The following GNB5 variants were observed in gnomAD, a reference collection of about 807,000 sequenced individuals.
GNB5 encodes guanine nucleotide-binding protein subunit beta-5.
GNB5 carries 37 observed loss-of-function variants against 55.3 expected under a neutral mutation model. The ratio of observed to expected loss-of-function variants is 0.67; its 90% CI spans 0.51 to 0.88. The LOEUF (loss-of-function observed/expected upper bound fraction) is 0.88. GNB5 is among the 40% of genes least tolerant of loss of function. The pLI is 0.00. For synonymous variants in GNB5, 219 were observed against 198.5 expected, an observed-to-expected ratio of 1.10 and a Z score of -0.87; for missense variants, 476 against 515.3, an observed-to-expected ratio of 0.92 and a Z score of 0.74.
intron 1 of GNB5, 23 bp from the exon 2 acceptor site, chr15:52,184,717 GA>G (rs1280348627): frequency 6.3e-7 from 1 of 1,596,018 alleles, no homozygotes. Flanking sequence ...GAAAAGAAGG[GA>G]GGGGGTGTGA....
chr15:52,191,126 G>A lies in GNB5; in HGVS notation c.-19+196C>T, dbSNP rs564369973. ...TGAAATATTTCAATTTGAAATATTT[G>A]AAATTTACTATTTCAAAATAAATTC... On this transcript the variant is annotated intron_variant, in intron 1 of 12. Coordinates refer to ENST00000261837, the MANE Select transcript of GNB5 (RefSeq NM_016194.4). 5.9e-5 allele frequency among the ~76,000 whole-genome samples: 9 copies of A among 152,118 alleles called. No individual in the cohort carries two copies. The East Asian group carries it at 1.7e-3, about 29-fold the overall frequency.
At chr15:52,189,264 G>A (rs574129594) in intron 1 of GNB5, among the ~76,000 whole-genome samples, 5 of 152,110 alleles carry the variant, frequency 3.3e-5, no homozygotes, top group South Asian at 2.1e-4. Context: ...ATAAGACCCC[G>A]CAATCCTACT....
chr15:52,124,741 C>T, intron 11 of GNB5, 102 bp from the exon 12 acceptor site: 1 of 984,464 alleles, frequency 1.0e-6, no homozygotes, highest in Non-Finnish European at 1.6e-6. Context: ...GATTCAGGCG[C>T]ACTGAGTCCT....
At chr15:52,182,058 C>T (rs916988459) in intron 2 of GNB5, among the ~76,000 whole-genome samples, 1 of 152,188 alleles carries the variant, frequency 6.6e-6, no homozygotes, top group Admixed American at 6.5e-5. Context: ...GGGGCAAATC[C>T]TGGCTCTGCT....
Position 52,184,114 on chromosome 15 carries a change from T to C in GNB5, c.126+437A>G, listed in dbSNP as rs577064004. ...CAGCTTCTCTTTTAGCTTGATTGCC[T>C]GCCAAGCAGACTTGTAGAAGTCAGA... On this transcript the variant is annotated intron_variant, in intron 2 of 12. Transcript: ENST00000261837. 2.0e-5 allele frequency among the ~76,000 whole-genome samples: 3 copies of C among 152,346 alleles called. No individual in the cohort carries two copies. In the East Asian group the frequency reaches 5.8e-4, roughly 29 times the overall value.
At position 52,170,789 on chromosome 15, in the gene GNB5, C is replaced by G. The variant is rs116746688; in HGVS notation, c.238+8979G>C. Among the ~76,000 whole-genome samples, 1,037 of 151,444 alleles carry G rather than the reference C, an allele frequency of 6.8e-3. 11 individuals carry two copies. Among genetic ancestry groups the G allele is most frequent in the African/African-American group, 0.024 (1,005 of 41,354 alleles). ...TCACATTTATCTCACTTGTATTTGT[C>G]AGAGATTTGTGAATTGCCTTAAAAA... On this transcript the variant is annotated intron_variant, in intron 3 of 12. Coordinates refer to ENST00000261837, the MANE Select transcript of GNB5 (RefSeq NM_016194.4).
chr15:52,173,753 T>G (rs1040040058), intron 3 of GNB5, among the ~76,000 whole-genome samples: 1 of 152,102 alleles, frequency 6.6e-6, no homozygotes, highest in Non-Finnish European at 1.5e-5. Flanking sequence ...CTACAAAATC[T>G]TAGGGAAATC....
intron 4 of GNB5, among the ~76,000 whole-genome samples, chr15:52,153,488 TA>T (rs921563824): frequency 6.6e-6 from 1 of 152,172 alleles, no homozygotes; most frequent in Non-Finnish European, 1.5e-5. Flanking sequence ...AGATAACTAA[TA>T]AATAATATAT....
Position 52,116,887 on chromosome 15 carries a change from CTCA to C in GNB5, c.*5867_*5869del, listed in dbSNP as rs999287173. On this transcript the variant is annotated 3_prime_UTR_variant, in exon 13 of 13. Transcript: ENST00000261837. The stretch of plus-strand genomic sequence containing the variant: ...ATTTCAAAACCATTATGTAATCCTC[CTCA>C]TTTTTTCCTTTAAAAACCTTTGTTT... 2 of 151,454 alleles carry C rather than the reference CTCA, an allele frequency of 1.3e-5. No homozygotes were observed. Among genetic ancestry groups the C allele is most frequent in the Non-Finnish European group, 2.9e-5 (2 of 67,908 alleles). 9.4% of individuals were successfully genotyped at this position (151,454 alleles called of 1,614,324 possible).
At chr15:52,191,099 ATTGAAATATTTCAAT>A (rs1566953890) in intron 1 of GNB5, among the ~76,000 whole-genome samples, 3 of 152,226 alleles carry the variant, frequency 2.0e-5, no homozygotes, top group African/African-American at 7.2e-5. Context: ...TGTAAAAAAT[ATTGAAATATTTCAAT>A]TTGAAATATT....
intron 6 of GNB5, 105 bp from the exon 7 acceptor site, chr15:52,141,377 C>G (rs936273984): frequency 2.2e-6 from 2 of 896,378 alleles, no homozygotes; most frequent in Middle Eastern, 2.2e-4. Flanking sequence ...TTAGCAGTAT[C>G]ATATATTGTA....
At chr15:52,180,086 C>G (rs2034742127) in intron 2 of GNB5, 1 of 446,796 alleles carries the variant, frequency 2.2e-6, no homozygotes, top group South Asian at 9.9e-5. Flanking sequence ...GTGCCTGGTG[C>G]GATGTCCGCG....
intron 3 of GNB5, among the ~76,000 whole-genome samples, chr15:52,165,975 A>G (rs2034443477): frequency 6.6e-6 from 1 of 152,176 alleles, no homozygotes; most frequent in South Asian, 2.1e-4. Flanking sequence ...CACATAGGCT[A>G]AAAATAAAGG....
At chr15:52,168,587 T>A (rs1048008129) in intron 3 of GNB5, among the ~76,000 whole-genome samples, 2 of 152,184 alleles carry the variant, frequency 1.3e-5, no homozygotes, top group Admixed American at 6.5e-5. Context: ...AAACTACCAT[T>A]GACATTCTTC....
In GNB5 at chr15:52,160,656, G is replaced by C. The variant is rs899016709; in HGVS notation, c.239-6580C>G. ...ATATGGTCACTTACAATTCTGCTTAGCCTGACCATTCTTATCATTTGGTGT... is the reference window on the plus strand; with the variant it reads ...ATATGGTCACTTACAATTCTGCTTACCCTGACCATTCTTATCATTTGGTGT... On this transcript the variant is annotated intron_variant, in intron 3 of 12. Coordinates refer to ENST00000261837, the MANE Select transcript of GNB5 (RefSeq NM_016194.4). 3.2e-4 allele frequency among the ~76,000 whole-genome samples: 49 copies of C among 152,130 alleles called. 1 individual carries two copies. The highest frequency in any genetic ancestry group is 7.2e-5 in the African/African-American group (3 of 41,406).
At position 52,116,233 on chromosome 15, in the gene GNB5, C is replaced by T. The variant is rs186824782; in HGVS notation, c.*6524G>A. ...AACAGTGACCTCTGCTTCATGGTTC[C>T]TGGTTTCTGACAAAGTTAATCTTTC... On this transcript the variant is annotated 3_prime_UTR_variant, in exon 13 of 13. Coordinates refer to ENST00000261837, the MANE Select transcript of GNB5 (RefSeq NM_016194.4). 7.9e-5 allele frequency: 12 copies of T among 152,332 alleles called. No homozygotes were observed. The highest frequency in any genetic ancestry group is 5.9e-4 in the Admixed American group (9 of 15,306). 9.4% of individuals were successfully genotyped at this position (152,332 alleles called of 1,614,324 possible). A position where few individuals can be genotyped will look rare whatever the true frequency, so the allele number is the denominator to read the frequency against.
chr15:52,124,427 C>T, intron 12 of GNB5, 46 bp downstream of exon 12: 1 of 1,498,930 alleles, frequency 6.7e-7, no homozygotes, highest in Non-Finnish European at 9.2e-7. Flanking sequence ...TGTCACCAGT[C>T]CTCTCTCCTC....
At chr15:52,170,557 T>C (rs982414726) in intron 3 of GNB5, among the ~76,000 whole-genome samples, 10 of 152,088 alleles carry the variant, frequency 6.6e-5, no homozygotes, top group Non-Finnish European at 1.3e-4. Context: ...GTCAGGGGCA[T>C]AGCAGGAGGG....
At chr15:52,155,539 CTTA>C (rs2034190218) in intron 3 of GNB5, among the ~76,000 whole-genome samples, 1 of 152,226 alleles carries the variant, frequency 6.6e-6, no homozygotes, top group African/African-American at 2.4e-5. Flanking sequence ...AATCTACAGA[CTTA>C]TTGAGATACT....
Sources: gnomAD v4.1 joint callset for allele counts (sites outside exome capture counted in the v4.1 genomes callset) on GRCh38, gnomAD v4.1.1 for gene constraint, MANE v1.5 for transcripts, NCBI Gene and HGNC (gene_info 2026-07-23, HGNC 2026-07-21) for gene names.